Variants in JOSD1 observed in about 807,000 individuals in gnomAD.
The protein encoded by JOSD1 is Josephin domain containing 1, also known as josephin-1.
JOSD1 carries 11 observed loss-of-function variants against 24.3 expected under a neutral mutation model. The ratio of observed to expected loss-of-function variants is 0.45; its 90% CI spans 0.29 to 0.75. JOSD1 has a LOEUF of 0.75. Among genes scored for constraint, JOSD1 ranks in the 30% least tolerant of loss-of-function variants. The probability of loss-of-function intolerance (pLI) is 0.11; values close to 1 mark genes in which losing one functional copy is unlikely to be tolerated. For synonymous variants in JOSD1, 106 were observed against 93.8 expected (o/e 1.13, Z -0.75); for missense variants, 184 against 253.5 (o/e 0.73, Z 1.86).
Position 38,690,730 on chromosome 22 carries a change from CAT to C in JOSD1, c.186-1308_186-1307del, listed in dbSNP as rs1374871145. Among the ~76,000 whole-genome samples, 4 of 152,070 alleles carry C rather than the reference CAT, an allele frequency of 2.6e-5. No individual in the cohort carries two copies. The East Asian group carries it at 7.8e-4, about 30-fold the overall frequency. On this transcript the variant is annotated intron_variant, in intron 2 of 4. Coordinates refer to ENST00000683374, the MANE Select transcript of JOSD1 (RefSeq NM_001360236.2). ...ATACTGGTATTTTTCAAATATAAAACATACTCCTGGCCAGGCGCGGTGGCTCA... is the reference window on the plus strand; with the variant it reads ...ATACTGGTATTTTTCAAATATAAAACACTCCTGGCCAGGCGCGGTGGCTCA...
intron 2 of JOSD1, among the ~76,000 whole-genome samples, chr22:38,698,522 G>A (rs1247181429): frequency 6.6e-6 from 1 of 152,146 alleles, no homozygotes; most frequent in Non-Finnish European, 1.5e-5. Flanking sequence ...TCCAAGCTAA[G>A]AGAGTAAGAA....
chr22:38,695,631 G>A (rs1238474859), intron 2 of JOSD1, among the ~76,000 whole-genome samples: 3 of 151,966 alleles, frequency 2.0e-5, no homozygotes, highest in Non-Finnish European at 4.4e-5. Context: ...ATTTTTTGTA[G>A]AGATAGGGTC....
chr22:38,693,829 G>A (rs2092533629), intron 2 of JOSD1, among the ~76,000 whole-genome samples: 1 of 152,150 alleles, frequency 6.6e-6, no homozygotes, highest in African/African-American at 2.4e-5. Flanking sequence ...TGTAAAAAAG[G>A]GAGGGAGAGT....
chr22:38,693,699 C>T (rs999968239), intron 2 of JOSD1, among the ~76,000 whole-genome samples: 1 of 152,166 alleles, frequency 6.6e-6, no homozygotes, highest in Non-Finnish European at 1.5e-5. Flanking sequence ...CCTGTCTCAG[C>T]CTCCCTCTTG....
intron 2 of JOSD1, among the ~76,000 whole-genome samples, chr22:38,699,349 T>C (rs1362313361): frequency 1.3e-5 from 2 of 152,176 alleles, no homozygotes; most frequent in East Asian, 3.8e-4. Flanking sequence ...ATTCCACCTT[T>C]AAAGACAGGT....
At chr22:38,695,575 G>T (rs1469980082) in intron 2 of JOSD1, among the ~76,000 whole-genome samples, 3 of 151,340 alleles carry the variant, frequency 2.0e-5, no homozygotes, top group Non-Finnish European at 4.4e-5. Flanking sequence ...AGCCTCCCAA[G>T]TAGCTGGACT....
upstream of JOSD1, chr22:38,701,019 C>T (rs1322250587): frequency 2.1e-6 from 2 of 974,608 alleles, no homozygotes; most frequent in Non-Finnish European, 2.4e-6. Context: ...AACGCCCTCC[C>T]GCGCCGTCCT....
At position 38,700,943 on chromosome 22, in the gene JOSD1, G is replaced by A. The variant is rs2092567549; in HGVS notation, c.-775C>T. 3 of 984,746 alleles carry A rather than the reference G, an allele frequency of 3.0e-6. No homozygotes were observed. The highest frequency in any genetic ancestry group is 1.1e-4 in the East Asian group (1 of 8,802). 61.0% of individuals were successfully genotyped at this position (984,746 alleles called of 1,614,324 possible). On this transcript the variant is annotated 5_prime_UTR_variant, in exon 1 of 5. Coordinates refer to ENST00000683374, the MANE Select transcript of JOSD1 (RefSeq NM_001360236.2). ...ACCTGGAGTGCGCGCCGCCAACTGG[G>A]CCGTGCGGGCGGGCGCGCGCACCTG...
chr22:38,699,458 T>A (rs1353301088), intron 2 of JOSD1, among the ~76,000 whole-genome samples: 1 of 152,198 alleles, frequency 6.6e-6, no homozygotes, highest in Admixed American at 6.5e-5. Flanking sequence ...AGCATAGATA[T>A]AAGAATTCAA....
At chr22:38,698,198 T>C (rs2092553227) in intron 2 of JOSD1, among the ~76,000 whole-genome samples, 1 of 152,238 alleles carries the variant, frequency 6.6e-6, no homozygotes, top group South Asian at 2.1e-4. Flanking sequence ...TTCAGTGACA[T>C]GACCTGATGA....
Position 38,699,840 on chromosome 22 carries a change from C to A in JOSD1, c.148G>T (p.Ala50Ser). ...ALNNVFQDSN[A>S]FTRDTLQEIF... is the part of the protein sequence containing the mutation. ...TCTTGCAGCGTATCCCGGGTGAAGG[C>A]ATTGCTGTCCTGGAAGACGTTATTG... The change falls in exon 2 of 5, where the codon GCC (alanine) becomes TCC (serine). Residue 50 changes from alanine (A) to serine (S), a missense_variant. Coordinates refer to ENST00000683374, the MANE Select transcript of JOSD1 (RefSeq NM_001360236.2). 1 of 1,614,200 alleles carries A rather than the reference C, an allele frequency of 6.2e-7. No individual in the cohort carries two copies. The highest frequency in any genetic ancestry group is 8.5e-7 in the Non-Finnish European group (1 of 1,180,038).
rs1482559668 is a variant in JOSD1, at chr22:38,700,180, C to G, written c.-193G>C. On this transcript the variant is annotated 5_prime_UTR_variant, in exon 2 of 5. Transcript: ENST00000683374. ...AAATAAAACCCACCTCTTCTCTCTT[C>G]TCAATAGAAAAATAACTTTTGGATT... The G allele has an allele frequency of 3.1e-6, 4 of 1,283,888 alleles. No individual in the cohort carries two copies. The highest frequency in any genetic ancestry group is 3.9e-6 in the Non-Finnish European group (4 of 1,015,342). The allele number at this position is 1,283,888 out of a possible 1,614,324, so 79.5% of individuals were successfully genotyped here.
At chr22:38,694,179 C>T (rs544617536) in intron 2 of JOSD1, among the ~76,000 whole-genome samples, 6 of 152,324 alleles carry the variant, frequency 3.9e-5, no homozygotes, top group East Asian at 1.9e-4. Context: ...CTTGCTTGTA[C>T]TTTTAACAGT....
At chr22:38,690,190 G>T (rs529460346) in intron 2 of JOSD1, among the ~76,000 whole-genome samples, 39 of 152,230 alleles carry the variant, frequency 2.6e-4, no homozygotes, top group African/African-American at 8.9e-4. Flanking sequence ...TTTGAAGGAA[G>T]GGTTCAAGGG....
intron 2 of JOSD1, among the ~76,000 whole-genome samples, chr22:38,699,397 G>T (rs1345327878): frequency 6.6e-6 from 1 of 152,190 alleles, no homozygotes; most frequent in Non-Finnish European, 1.5e-5. Context: ...CTTCTAGACT[G>T]TAAACTCCTC....
At chr22:38,696,381 G>A (rs2092546305) in intron 2 of JOSD1, among the ~76,000 whole-genome samples, 1 of 151,930 alleles carries the variant, frequency 6.6e-6, no homozygotes, top group Admixed American at 6.6e-5. Context: ...GGGACTACAG[G>A]CGTGTGCCAT....
Position 38,687,409 on chromosome 22 carries a change from A to G in JOSD1, c.*493T>C, listed in dbSNP as rs1305731033. ...GGAGACAGCATGCTGTACCGCTGCT[A>G]GGGTTTTGGACATGGTTTCCTGAGA... On this transcript the variant is annotated 3_prime_UTR_variant, in exon 5 of 5. Transcript: ENST00000683374. The G allele has an allele frequency of 6.4e-6, 1 of 156,460 alleles. No homozygotes were observed. Among genetic ancestry groups the G allele is most frequent in the Non-Finnish European group, 1.4e-5 (1 of 71,038 alleles). The allele number at this position is 156,460 out of a possible 1,614,324, so 9.7% of individuals were successfully genotyped here.
At position 38,700,001 on chromosome 22, in the gene JOSD1, G is replaced by C. The variant is rs762822780; in HGVS notation, c.-14C>G. ...CACACAACTCATGTTTTTTGTTTTA[G>C]GTTCCAGAGATGGCTATAAACACCC... On this transcript the variant is annotated 5_prime_UTR_variant, in exon 2 of 5. Transcript: ENST00000683374. 5 of 1,580,646 alleles carry C rather than the reference G, an allele frequency of 3.2e-6. No individual in the cohort carries two copies. The highest frequency in any genetic ancestry group is 3.6e-5 in the Admixed American group (2 of 54,850).
At chr22:38,689,492 G>A in intron 2 of JOSD1, 68 bp from the exon 3 acceptor site, 3 of 1,590,224 alleles carry the variant, frequency 1.9e-6, no homozygotes, top group Admixed American at 1.7e-5. Flanking sequence ...CGCACTACCA[G>A]GGATGGAGAG....
Sources: gnomAD v4.1 joint callset for allele counts (sites outside exome capture counted in the v4.1 genomes callset) on GRCh38, gnomAD v4.1.1 for gene constraint, MANE v1.5 for transcripts, NCBI Gene and HGNC (gene_info 2026-07-23, HGNC 2026-07-21) for gene names.